Variants in WWTR1 observed in about 807,000 individuals in gnomAD.
WWTR1 encodes WW domain containing transcription regulator 1.
A neutral mutation model predicts 40.1 loss-of-function variants in WWTR1; 13 were observed. The ratio of observed to expected loss-of-function variants is 0.32; its 90% CI spans 0.21 to 0.52. WWTR1 has a LOEUF of 0.52. Among genes scored for constraint, WWTR1 ranks in the 20% least tolerant of loss-of-function variants. WWTR1 has a pLI of 0.97. For synonymous variants in WWTR1, 230 were observed against 210.1 expected (o/e 1.09, Z -0.82); for missense variants, 436 against 523.1 (o/e 0.83, Z 1.63).
chr3:149,674,769 G>T (rs1357147122), intron 1 of WWTR1, among the ~76,000 whole-genome samples: 2 of 152,104 alleles, frequency 1.3e-5, no homozygotes, highest in African/African-American at 4.8e-5. Context: ...GAGGTGTTTA[G>T]CTAAGACCAC....
intron 2 of WWTR1, among the ~76,000 whole-genome samples, chr3:149,631,265 T>C (rs147411890): frequency 5.3e-5 from 8 of 152,376 alleles, no homozygotes; most frequent in African/African-American, 1.7e-4. Flanking sequence ...TCCACTATTA[T>C]AAGAGTTTAT....
At chr3:149,641,459 C>A (rs983635795) in intron 2 of WWTR1, among the ~76,000 whole-genome samples, 12 of 152,226 alleles carry the variant, frequency 7.9e-5, no homozygotes, top group Admixed American at 7.2e-4. Context: ...ATGAGGTAAG[C>A]TGGACATTCC....
At chr3:149,667,733 G>A (rs896791977) in intron 2 of WWTR1, among the ~76,000 whole-genome samples, 4 of 151,988 alleles carry the variant, frequency 2.6e-5, no homozygotes, top group Non-Finnish European at 5.9e-5. Context: ...GGACTACATG[G>A]GCACTAACCC....
chr3:149,636,757 A>C (rs554508985), intron 2 of WWTR1, among the ~76,000 whole-genome samples: 391 of 152,240 alleles, frequency 2.6e-3, no homozygotes, highest in Non-Finnish European at 4.6e-3. Context: ...AAGTTAAATG[A>C]ATCCCTACTA....
chr3:149,541,662 C>T (rs1420094082), intron 4 of WWTR1, among the ~76,000 whole-genome samples: 1 of 152,024 alleles, frequency 6.6e-6, no homozygotes, highest in Non-Finnish European at 1.5e-5. Context: ...ACTCCACGAC[C>T]GTTTCCAGAG....
intron 1 of WWTR1, among the ~76,000 whole-genome samples, chr3:149,685,957 C>T (rs930060634): frequency 5.3e-5 from 8 of 152,224 alleles, no homozygotes; most frequent in African/African-American, 1.4e-4. Context: ...CAAAAAAATG[C>T]TATTGTCACT....
intron 4 of WWTR1, chr3:149,540,358 G>A: frequency 1.1e-5 from 5 of 444,400 alleles, no homozygotes; most frequent in South Asian, 7.9e-5. Context: ...AAACAATTTG[G>A]GGCACTTTTC....
intron 1 of WWTR1, among the ~76,000 whole-genome samples, chr3:149,681,177 G>A (rs1714449847): frequency 6.6e-6 from 1 of 152,312 alleles, no homozygotes; most frequent in South Asian, 2.1e-4. Context: ...TGTCAATCAA[G>A]ATCAACTTTT....
chr3:149,584,458 G>A (rs1010928601), intron 2 of WWTR1, among the ~76,000 whole-genome samples: 1 of 152,166 alleles, frequency 6.6e-6, no homozygotes, highest in African/African-American at 2.4e-5. Context: ...ACTGGAAAAA[G>A]GGCTGGCATG....
At chr3:149,574,230 G>T (rs1737777869) in intron 2 of WWTR1, among the ~76,000 whole-genome samples, 1 of 151,936 alleles carries the variant, frequency 6.6e-6, no homozygotes, top group Non-Finnish European at 1.5e-5. Flanking sequence ...GTAGAGGTGG[G>T]TGTCTCCTTA....
At chr3:149,530,777 T>G (rs1240660109) in intron 4 of WWTR1, among the ~76,000 whole-genome samples, 3 of 152,204 alleles carry the variant, frequency 2.0e-5, no homozygotes, top group Non-Finnish European at 4.4e-5. Flanking sequence ...TCTCCAGCAC[T>G]GATGTTTCCC....
At chr3:149,638,950 A>C (rs909605061) in intron 2 of WWTR1, among the ~76,000 whole-genome samples, 1 of 152,208 alleles carries the variant, frequency 6.6e-6, no homozygotes, top group Non-Finnish European at 1.5e-5. Flanking sequence ...AACACCGCAG[A>C]GGCTAGCTCA....
At chr3:149,625,229 C>G (rs1007935803) in intron 2 of WWTR1, among the ~76,000 whole-genome samples, 1 of 149,140 alleles carries the variant, frequency 6.7e-6, no homozygotes, top group Non-Finnish European at 1.5e-5. Context: ...TCATGCCATT[C>G]TCCTGCCTCA....
chr3:149,634,354 T>C (rs151136872), intron 2 of WWTR1, among the ~76,000 whole-genome samples: 4 of 152,182 alleles, frequency 2.6e-5, no homozygotes, highest in African/African-American at 9.7e-5. Context: ...ACAAAGTAAG[T>C]GCTAGGTACA....
At chr3:149,523,432 G>T (rs1047602240) in intron 6 of WWTR1, among the ~76,000 whole-genome samples, 2 of 152,084 alleles carry the variant, frequency 1.3e-5, no homozygotes. Context: ...ATTCTTAGTA[G>T]ACACAAGATT....
At chr3:149,676,389 T>C (rs1017542075) in intron 1 of WWTR1, among the ~76,000 whole-genome samples, 13 of 152,176 alleles carry the variant, frequency 8.5e-5, no homozygotes, top group African/African-American at 2.9e-4. Flanking sequence ...TTCAACAATA[T>C]GAAAATCCAG....
At chr3:149,691,107 T>A (rs1714812431) in intron 1 of WWTR1, among the ~76,000 whole-genome samples, 1 of 151,790 alleles carries the variant, frequency 6.6e-6, no homozygotes, top group Admixed American at 6.6e-5. Flanking sequence ...AAGAAAAAAT[T>A]TCTTGAAACA....
At chr3:149,710,577 C>T (rs1163182320) in intron 5 of WWTR1, among the ~76,000 whole-genome samples, 8 of 82,598 alleles carry the variant, frequency 9.7e-5, no homozygotes, top group East Asian at 1.0e-3. Flanking sequence ...GCCTCCCCCC[C>T]CCCCCTTTTT....
chr3:149,546,050 T>A (rs1158213797), intron 3 of WWTR1, among the ~76,000 whole-genome samples: 2 of 152,176 alleles, frequency 1.3e-5, no homozygotes, highest in South Asian at 4.1e-4. Flanking sequence ...TGAATCCTAA[T>A]CTGGAGGAGT....
Sources: gnomAD v4.1 joint callset for allele counts (sites outside exome capture counted in the v4.1 genomes callset) on GRCh38, gnomAD v4.1.1 for gene constraint, MANE v1.5 for transcripts, NCBI Gene and HGNC (gene_info 2026-07-23, HGNC 2026-07-21) for gene names.